The following IFT74 variants were observed in gnomAD, a reference collection of about 807,000 sequenced individuals.
The protein encoded by IFT74 is intraflagellar transport protein 74 homolog.
Under a neutral mutation model 96.7 loss-of-function variants are expected in IFT74, and 92 were observed. That is an observed-to-expected ratio of 0.95 (90% CI 0.80 to 1.13). The LOEUF is 1.13. IFT74 is among the 50% of genes most tolerant of loss of function. IFT74 has a pLI of 0.00. For missense variants in IFT74, 811 were observed against 698.2 expected (o/e 1.16, Z -1.82); for synonymous variants, 223 against 213.2 (o/e 1.05, Z -0.40).
chr9:27,040,544 C>CAAAAAAAAAAAAAAAAAAAAAAAAAA lies in IFT74; in HGVS notation c.1055-4175_1055-4174insAAAAAAAAAAAAAAAAAAAAAAAAAA, dbSNP rs751893169. 9.7e-5 allele frequency among the ~76,000 whole-genome samples: 6 copies of CAAAAAAAAAAAAAAAAAAAAAAAAAA among 62,092 alleles called. 1 individual carries two copies. Among genetic ancestry groups the CAAAAAAAAAAAAAAAAAAAAAAAAAA allele is most frequent in the African/African-American group, 3.4e-4 (6 of 17,780 alleles). The allele number at this position is 62,092 out of a possible 152,430, so 40.7% of individuals were successfully genotyped here. ...TGGGCAACAGAACGAGACACTGTCT[C>CAAAAAAAAAAAAAAAAAAAAAAAAAA]AAAAAAAAAAAAAAAAAAAAAAAGA... On this transcript the variant is annotated intron_variant, in intron 13 of 19. Coordinates refer to ENST00000380062, the MANE Select transcript of IFT74 (RefSeq NM_025103.4).
chr9:27,056,217 G>A, intron 17 of IFT74, 117 bp from the exon 18 acceptor site: 1 of 783,290 alleles, frequency 1.3e-6, no homozygotes, highest in Non-Finnish European at 2.0e-6. Context: ...TTTTAGAGTA[G>A]TTATAGCCTT....
Position 27,062,998 on chromosome 9 carries a change from G to A in IFT74, c.*262G>A, listed in dbSNP as rs781596716. On this transcript the variant is annotated 3_prime_UTR_variant, in exon 20 of 20. Coordinates refer to ENST00000380062, the MANE Select transcript of IFT74 (RefSeq NM_025103.4). Reference sequence around the variant, plus strand: ...AGAGATAAAGAAACTAAAAGTGACCGTTGAAATTTATTTAGCTGGTATAAT... The same window carrying A: ...AGAGATAAAGAAACTAAAAGTGACCATTGAAATTTATTTAGCTGGTATAAT... 8 of 347,578 alleles carry A rather than the reference G, an allele frequency of 2.3e-5. No homozygotes were observed. Among genetic ancestry groups the A allele is most frequent in the African/African-American group, 8.7e-5 (4 of 45,892 alleles). 21.5% of individuals were successfully genotyped at this position (347,578 alleles called of 1,614,324 possible). A position where few individuals can be genotyped will look rare whatever the true frequency, so the allele number is the denominator to read the frequency against.
At chr9:26,979,716 T>TA (rs1382320977) in intron 3 of IFT74, among the ~76,000 whole-genome samples, 18 of 138,838 alleles carry the variant, frequency 1.3e-4, no homozygotes, top group African/African-American at 4.7e-4. Flanking sequence ...TTTTTTTTTT[T>TA]TTTTTTTTTT....
Position 27,018,117 on chromosome 9 carries a change from A to G in IFT74, c.934-530A>G, listed in dbSNP as rs569547471. On this transcript the variant is annotated intron_variant, in intron 11 of 19. Transcript: ENST00000380062. ...TTGAGGTACGCCTACCACATAAAAT[A>G]TAGAATGGCTGCTTAAATTTGAATT... Among the ~76,000 whole-genome samples, 260 of 152,336 alleles carry G rather than the reference A, an allele frequency of 1.7e-3. 1 individual carries two copies. Among genetic ancestry groups the G allele is most frequent in the Admixed American group, 3.9e-3 (60 of 15,304 alleles).
chr9:27,048,060 C>T (rs1328345283), intron 15 of IFT74, 88 bp from the exon 16 acceptor site: 1 of 831,880 alleles, frequency 1.2e-6, no homozygotes, highest in Non-Finnish European at 1.8e-6. Context: ...CCAAACATCT[C>T]ATCCTTTGAC....
chr9:26,982,198 A>G, intron 4 of IFT74: 1 of 249,230 alleles, frequency 4.0e-6, no homozygotes, highest in Non-Finnish European at 8.1e-6. Flanking sequence ...TTAATCAGTA[A>G]GTTTTACATA....
chr9:26,994,667 A>G (rs894664602), intron 8 of IFT74: 3 of 152,586 alleles, frequency 2.0e-5, no homozygotes, highest in Non-Finnish European at 4.4e-5. Context: ...TCTGGAAATT[A>G]GTATTCTAGA....
In IFT74 at chr9:27,063,826, T is replaced by C. The variant is rs776528743; in HGVS notation, c.*1090T>C. Among the ~76,000 whole-genome samples, 1 of 152,070 alleles carries C rather than the reference T, an allele frequency of 6.6e-6. No individual in the cohort carries two copies. Among genetic ancestry groups the C allele is most frequent in the South Asian group, 2.1e-4 (1 of 4,830 alleles). ...CAAATTCAGTCTATATACATTTAAATAAAGGAGTGAGCATTGTTGAGTTTG... is the reference window on the plus strand; with the variant it reads ...CAAATTCAGTCTATATACATTTAAACAAAGGAGTGAGCATTGTTGAGTTTG... On this transcript the variant is annotated 3_prime_UTR_variant, in exon 20 of 20. Transcript: ENST00000380062.
At chr9:26,991,744 G>A (rs1827884544) in intron 8 of IFT74, among the ~76,000 whole-genome samples, 1 of 151,744 alleles carries the variant, frequency 6.6e-6, no homozygotes, top group African/African-American at 2.4e-5. Flanking sequence ...AAATATATAA[G>A]CTATAGGCCA....
chr9:26,974,702 T>C (rs922272115), intron 2 of IFT74, among the ~76,000 whole-genome samples: 3 of 152,100 alleles, frequency 2.0e-5, no homozygotes, highest in Non-Finnish European at 1.5e-5. Context: ...ACGGTTATGC[T>C]TTTTTTCTCC....
chr9:27,031,302 T>A (rs1214787156), intron 13 of IFT74, among the ~76,000 whole-genome samples: 6 of 151,814 alleles, frequency 4.0e-5, no homozygotes, highest in Non-Finnish European at 8.8e-5. Flanking sequence ...CTGTCTCTAC[T>A]AAAAAATACA....
At position 27,024,885 on chromosome 9, in the gene IFT74, G is replaced by A. The variant is rs1036903346; in HGVS notation, c.975-4140G>A. ...GCAAAATACATTGGAAAGTTTCAACGATAGAATCAAACAAGCAGAAGAAAG... is the reference window on the plus strand; with the variant it reads ...GCAAAATACATTGGAAAGTTTCAACAATAGAATCAAACAAGCAGAAGAAAG... On this transcript the variant is annotated intron_variant, in intron 12 of 19. Coordinates refer to ENST00000380062, the MANE Select transcript of IFT74 (RefSeq NM_025103.4). Among the ~76,000 whole-genome samples, 10 of 151,026 alleles carry A rather than the reference G, an allele frequency of 6.6e-5. No individual in the cohort carries two copies. In the South Asian group the frequency reaches 8.4e-4, roughly 13 times the overall value.
Position 27,065,792 on chromosome 9 carries a change from A to G in IFT74, c.*3056A>G, listed in dbSNP as rs1447457383. Reference sequence around the variant, plus strand: ...ACCTTAGGGAAATTATAATGTTTAGACTCAAAGTAAGAAGAAATAAAGATG... The same window carrying G: ...ACCTTAGGGAAATTATAATGTTTAGGCTCAAAGTAAGAAGAAATAAAGATG... On this transcript the variant is annotated 3_prime_UTR_variant, in exon 20 of 20. Coordinates refer to ENST00000380062, the MANE Select transcript of IFT74 (RefSeq NM_025103.4). Among the ~76,000 whole-genome samples, 1 of 152,156 alleles carries G rather than the reference A, an allele frequency of 6.6e-6. No individual in the cohort carries two copies. The highest frequency in any genetic ancestry group is 1.9e-4 in the East Asian group (1 of 5,190).
chr9:26,981,790 T>C (rs1370724993), intron 4 of IFT74, among the ~76,000 whole-genome samples: 1 of 138,748 alleles, frequency 7.2e-6, no homozygotes, highest in African/African-American at 2.7e-5. Flanking sequence ...TTTTTTGAGA[T>C]AGAGTCTCAC....
intron 1 of IFT74, among the ~76,000 whole-genome samples, chr9:26,948,448 A>ATTATTATT (rs1825819541): frequency 8.5e-5 from 5 of 59,162 alleles, no homozygotes; most frequent in Non-Finnish European, 1.9e-4. Context: ...GCTTTCCATT[A>ATTATTATT]TTTTTTTTTT....
At chr9:27,048,097 A>C in intron 15 of IFT74, 51 bp from the exon 16 acceptor site, 2 of 1,352,352 alleles carry the variant, frequency 1.5e-6, no homozygotes, top group Non-Finnish European at 2.0e-6. Flanking sequence ...TTTATTGAGA[A>C]CTAACTAAAT....
chr9:26,964,379 G>C (rs1216758879), intron 2 of IFT74, among the ~76,000 whole-genome samples: 3 of 150,452 alleles, frequency 2.0e-5, no homozygotes, highest in African/African-American at 7.3e-5. Context: ...TTGTAGTATA[G>C]TTTGAAGTCA....
At chr9:26,999,809 A>AG in intron 8 of IFT74, 1 of 605,534 alleles carries the variant, frequency 1.7e-6, no homozygotes, top group Non-Finnish European at 2.5e-6. Context: ...ACAGGGTCTC[A>AG]CTCTGTCACA....
chr9:27,037,666 T>C (rs1563993936), intron 13 of IFT74, among the ~76,000 whole-genome samples: 1 of 152,244 alleles, frequency 6.6e-6, no homozygotes, highest in Admixed American at 6.5e-5. Flanking sequence ...ACTCTGGTGC[T>C]ATGTGGCAAC....
Sources: allele counts gnomAD v4.1 joint callset (sites outside exome capture counted in the v4.1 genomes callset), GRCh38; gene constraint gnomAD v4.1.1; transcripts MANE v1.5; gene names NCBI Gene and HGNC (gene_info 2026-07-23, HGNC 2026-07-21).